The following CASP10 variants were observed in gnomAD, a reference collection of about 807,000 sequenced individuals.
CASP10 encodes the protein caspase 10, also known as caspase-10.
In CASP10, 41 loss-of-function variants were observed where a neutral mutation model predicts 48.5. The ratio of observed to expected loss-of-function variants is 0.85; its 90% CI spans 0.66 to 1.10. CASP10 has a LOEUF of 1.10. Ranked by LOEUF, CASP10 falls within the 50% of genes least tolerant of loss-of-function variation. The pLI is 0.00. For synonymous variants in CASP10, 232 were observed against 238.4 expected (o/e 0.97, Z 0.25); for missense variants, 614 against 614.5 (o/e 1.00, Z 0.01).
intron 9 of CASP10, among the ~76,000 whole-genome samples, chr2:201,210,989 G>T (rs1052570023): frequency 6.6e-6 from 1 of 151,994 alleles, no homozygotes; most frequent in African/African-American, 2.4e-5. Context: ...ATATTTCAGG[G>T]TTATAATTTG....
In CASP10 at chr2:201,217,677, A is replaced by G; in HGVS notation, c.1505A>G (p.Gln502Arg). 1 of 1,614,210 alleles carries G rather than the reference A, an allele frequency of 6.2e-7. No individual in the cohort carries two copies. The highest frequency in any genetic ancestry group is 8.5e-7 in the Non-Finnish European group (1 of 1,180,024). ...CAGGGAACAAAGAAACAGATGCCCCAGCCTGCTTTCACACTAAGGAAAAAA... is the reference window on the plus strand; with the variant it reads ...CAGGGAACAAAGAAACAGATGCCCCGGCCTGCTTTCACACTAAGGAAAAAA... The part of the protein sequence containing the change: ...DKQGTKKQMP[Q>R]PAFTLRKKLV... Residue 502 changes from glutamine (Q) to arginine (R), a missense_variant, in exon 10 of 10, where the codon CAG (glutamine) becomes CGG (arginine). Physicochemically the swap from Gln to Arg is conservative, Grantham distance 43. Coordinates refer to ENST00000286186, the MANE Select transcript of CASP10 (RefSeq NM_032977.4).
intron 9 of CASP10, among the ~76,000 whole-genome samples, chr2:201,210,961 T>C (rs892602864): frequency 5.3e-5 from 8 of 152,250 alleles, no homozygotes; most frequent in Admixed American, 2.0e-4. Context: ...TTATTTTTAA[T>C]TGATACTTCA....
chr2:201,186,984 G>C (rs992229062), intron 2 of CASP10, among the ~76,000 whole-genome samples: 1 of 152,190 alleles, frequency 6.6e-6, no homozygotes, highest in Non-Finnish European at 1.5e-5. Context: ...CACTGTGCCA[G>C]GCTGATGACA....
chr2:201,210,196 C>G (rs563841909), intron 9 of CASP10, among the ~76,000 whole-genome samples: 1 of 152,344 alleles, frequency 6.6e-6, no homozygotes, highest in African/African-American at 2.4e-5. Flanking sequence ...TGCCACTGCT[C>G]TGACAGCTTC....
At chr2:201,211,136 C>A (rs1156815027) in intron 9 of CASP10, among the ~76,000 whole-genome samples, 1 of 152,104 alleles carries the variant, frequency 6.6e-6, no homozygotes, top group African/African-American at 2.4e-5. Context: ...ATATACAACA[C>A]CTTACTGATT....
Position 201,220,250 on chromosome 2 carries a change from C to A in CASP10, c.*2509C>A, listed in dbSNP as rs1945688116. 7.8e-6 allele frequency: 5 copies of A among 638,732 alleles called. No homozygotes were observed. In the South Asian group the frequency reaches 2.8e-4, roughly 36 times the overall value. The allele number at this position is 638,732 out of a possible 1,614,324, so 39.6% of individuals were successfully genotyped here. ...CTAGCCTCATGCATTTCAAGGAAAT[C>A]ACTTCTTTTCTAACAGCGAGCAGCC... is the stretch of plus-strand genomic sequence containing the variant. On this transcript the variant is annotated 3_prime_UTR_variant, in exon 10 of 10. Transcript: ENST00000286186.
chr2:201,203,432 G>A (rs1945092338), intron 5 of CASP10, among the ~76,000 whole-genome samples: 1 of 151,618 alleles, frequency 6.6e-6, no homozygotes, highest in Admixed American at 6.6e-5. Context: ...TCAGCCTCCT[G>A]AGTAGCTGGG....
intron 2 of CASP10, 52 bp from the exon 3 acceptor site, chr2:201,187,654 G>A (rs1944460149): frequency 1.6e-6 from 2 of 1,238,232 alleles, no homozygotes; most frequent in Non-Finnish European, 2.4e-6. Flanking sequence ...ATTGATTATG[G>A]TGTCCTCCAC....
chr2:201,211,289 C>T (rs1044184251), intron 9 of CASP10, among the ~76,000 whole-genome samples: 10 of 152,198 alleles, frequency 6.6e-5, no homozygotes, highest in African/African-American at 2.4e-4. Flanking sequence ...GAATGCCTTA[C>T]TGTTAACCAT....
At chr2:201,200,158 G>A (rs758227420) in intron 5 of CASP10, among the ~76,000 whole-genome samples, 1 of 152,156 alleles carries the variant, frequency 6.6e-6, no homozygotes, top group Non-Finnish European at 1.5e-5. Context: ...ATTTGGTCAA[G>A]ATATTTTCTG....
chr2:201,198,435 G>A (rs1944882897), intron 5 of CASP10, among the ~76,000 whole-genome samples: 1 of 151,658 alleles, frequency 6.6e-6, no homozygotes, highest in African/African-American at 2.4e-5. Flanking sequence ...ATGTTGGCCA[G>A]GCTGATCTCG....
intron 2 of CASP10, 108 bp downstream of exon 2, chr2:201,186,232 C>G (rs753561551): frequency 2.5e-6 from 2 of 789,362 alleles, no homozygotes; most frequent in Non-Finnish European, 4.4e-6. Flanking sequence ...TTATCTACCT[C>G]CTTGGATGAT....
In CASP10 at chr2:201,218,085, T is replaced by A. The variant is rs1295510777; in HGVS notation, c.*344T>A. ...TGTACCACCGTGCCCGGATTTTTTT[T>A]ATTCTTTATTTTTTGTAGAGATGGA... On this transcript the variant is annotated 3_prime_UTR_variant, in exon 10 of 10. Transcript: ENST00000286186. The A allele has an allele frequency of 2.6e-6, 2 of 754,842 alleles. No homozygotes were observed. The highest frequency in any genetic ancestry group is 1.5e-4 in the East Asian group (2 of 13,456). 46.8% of individuals were successfully genotyped at this position (754,842 alleles called of 1,614,324 possible).
rs374339540 is a variant in CASP10 at position 201,195,952 on chromosome 2, G to T, written c.684+4G>T. On this transcript the variant is annotated splice_donor_region_variant and intron_variant, in intron 5 of 9. Transcript: ENST00000286186. ...GACATTCTTGGAAGCCTTACCGGTA[G>T]GTTCAGTGGTGTGCTGGTCAATGCT... 14 of 1,595,454 alleles carry T rather than the reference G, an allele frequency of 8.8e-6. No individual in the cohort carries two copies. The East Asian group carries it at 2.5e-4, about 28-fold the overall frequency.
chr2:201,188,428 C>T (rs1944490277), intron 3 of CASP10, among the ~76,000 whole-genome samples: 1 of 152,200 alleles, frequency 6.6e-6, no homozygotes, highest in African/African-American at 2.4e-5. Context: ...GATCTGCCTG[C>T]CTTGGCCTCC....
Position 201,185,877 on chromosome 2 carries a change from C to T in CASP10, c.100C>T (p.Gln34Ter), listed in dbSNP as rs1273630956. Residue 34 changes from glutamine to a stop codon, truncating the protein, a stop_gained, in exon 2 of 10, where the codon CAA (glutamine) becomes TAA (stop). Coordinates refer to ENST00000286186, the MANE Select transcript of CASP10 (RefSeq NM_032977.4). LOFTEE classifies it high-confidence loss of function. ...LLIIDSNLGV[Q>*]DVENLKFLCI... is the part of the protein sequence containing the mutation. ...GATTATTGATTCAAACCTGGGGGTCCAAGATGTGGAGAACCTCAAGTTTCT... is the reference window on the plus strand; with the variant it reads ...GATTATTGATTCAAACCTGGGGGTCTAAGATGTGGAGAACCTCAAGTTTCT... 6.2e-7 allele frequency: 1 copy of T among 1,613,974 alleles called. No individual in the cohort carries two copies. Among genetic ancestry groups the T allele is most frequent in the Admixed American group, 1.7e-5 (1 of 60,002 alleles).
intron 9 of CASP10, among the ~76,000 whole-genome samples, chr2:201,211,698 C>G (rs910720774): frequency 3.9e-5 from 6 of 152,116 alleles, no homozygotes. Flanking sequence ...AGATATCTCT[C>G]TGACATATTG....
At chr2:201,197,487 T>C (rs1944843833) in intron 5 of CASP10, among the ~76,000 whole-genome samples, 1 of 152,108 alleles carries the variant, frequency 6.6e-6, no homozygotes, top group Admixed American at 6.6e-5. Flanking sequence ...TGGTGGTGCA[T>C]GCCTATAATC....
At chr2:201,227,758 A>C (rs1945807237) in intron 9 of CASP10, among the ~76,000 whole-genome samples, 1 of 150,992 alleles carries the variant, frequency 6.6e-6, no homozygotes, top group African/African-American at 2.4e-5. Flanking sequence ...ACAGGGTTTC[A>C]CTGTGTTAGC....
Sources: gnomAD v4.1 joint callset for allele counts (sites outside exome capture counted in the v4.1 genomes callset) on GRCh38, gnomAD v4.1.1 for gene constraint, MANE v1.5 for transcripts, NCBI Gene and HGNC (gene_info 2026-07-23, HGNC 2026-07-21) for gene names.